Variants in PAX9 observed in about 807,000 individuals in gnomAD.
PAX9 encodes the protein paired box protein Pax-9.
A neutral mutation model predicts 29.1 loss-of-function variants in PAX9; 6 were observed. The observed-to-expected ratio is 0.21, with a 90% confidence interval of 0.11 to 0.41. The LOEUF is 0.41. PAX9 is among the 10% of genes least tolerant of loss of function. The pLI, the probability that PAX9 is intolerant of heterozygous loss-of-function variation, is 1.00. For missense variants in PAX9, 443 were observed against 479.1 expected, an observed-to-expected ratio of 0.92 and a Z score of 0.70; for synonymous variants, 217 against 211.7, an observed-to-expected ratio of 1.03 and a Z score of -0.22.
upstream of PAX9, among the ~76,000 whole-genome samples, chr14:36,659,538 C>T (rs987785391): frequency 6.6e-6 from 1 of 152,232 alleles, no homozygotes; most frequent in East Asian, 1.9e-4. Context: ...CTAAAATTGA[C>T]TCTTCCTGCG....
chr14:36,658,377 G>GT (rs1339503072), upstream of PAX9, among the ~76,000 whole-genome samples: 5 of 151,644 alleles, frequency 3.3e-5, no homozygotes, highest in Non-Finnish European at 5.9e-5. Context: ...CTCGCTTGGG[G>GT]GGGGGGGGTC....
chr14:36,668,690 A>G (rs1447098874), intron 3 of PAX9, among the ~76,000 whole-genome samples: 1 of 152,128 alleles, frequency 6.6e-6, no homozygotes, highest in Non-Finnish European at 1.5e-5. Flanking sequence ...CCGGCCAGTA[A>G]TTTTTATTTT....
rs1881902329 is a variant in PAX9 at position 36,676,578 on chromosome 14, C to T, written c.*126C>T. 6.6e-6 allele frequency: 7 copies of T among 1,063,334 alleles called. No individual in the cohort carries two copies. The highest frequency in any genetic ancestry group is 1.3e-5 in the South Asian group (1 of 74,814). 65.9% of individuals were successfully genotyped at this position (1,063,334 alleles called of 1,614,324 possible). A position where few individuals can be genotyped will look rare whatever the true frequency, so the allele number is the denominator to read the frequency against. ...CCTTCTGCCTTGAAAGCTGGCTGTA[C>T]GGACTCACATCCTTTGTGCTAATGA... On this transcript the variant is annotated 3_prime_UTR_variant, in exon 4 of 4. Coordinates refer to ENST00000361487, the MANE Select transcript of PAX9 (RefSeq NM_001372076.1).
At chr14:36,666,428 C>A in intron 2 of PAX9, 34 bp from the exon 3 acceptor site, 10 of 1,601,996 alleles carry the variant, frequency 6.2e-6, no homozygotes, top group Non-Finnish European at 8.5e-6. Flanking sequence ...GCGGGCTGGG[C>A]CTCCGGCCTG....
In PAX9 at chr14:36,678,607, A is replaced by G. The variant is rs530930567; in HGVS notation, c.*2155A>G. The G allele has an allele frequency of 6.9e-6, 10 of 1,455,812 alleles. No homozygotes were observed. The East Asian group carries it at 1.7e-4, about 25-fold the overall frequency. 90.2% of individuals were successfully genotyped at this position (1,455,812 alleles called of 1,614,324 possible). ...GTCATCTGAAAAACTGATGTAAGGT[A>G]CAGAACTATTCTTTATCAAATGTTT... On this transcript the variant is annotated 3_prime_UTR_variant, in exon 4 of 4. Coordinates refer to ENST00000361487, the MANE Select transcript of PAX9 (RefSeq NM_001372076.1).
intron 3 of PAX9, chr14:36,670,999 T>C: frequency 2.4e-6 from 1 of 417,144 alleles, no homozygotes; most frequent in Non-Finnish European, 4.7e-6. Flanking sequence ...AATGGAAGAA[T>C]GACAGAAAAA....
intron 3 of PAX9, among the ~76,000 whole-genome samples, chr14:36,668,974 AT>A (rs886417149): frequency 5.2e-4 from 79 of 152,180 alleles, no homozygotes; most frequent in African/African-American, 1.8e-3. Flanking sequence ...GAATAAAAAT[AT>A]TTATATGAAA....
At chr14:36,660,669 A>G (rs2073244), upstream of PAX9, among the ~76,000 whole-genome samples, 50,256 of 152,084 alleles carry the variant, frequency 0.33, 8,633 homozygotes, top group East Asian at 0.45. Flanking sequence ...GTGCACAAGG[A>G]GCCTTCTGGA....
At chr14:36,666,400 G>T in intron 2 of PAX9, 62 bp from the exon 3 acceptor site, 2 of 1,577,732 alleles carry the variant, frequency 1.3e-6, no homozygotes, top group South Asian at 2.3e-5. Flanking sequence ...TTTGGGTCCC[G>T]TCTCAAGAGT....
chr14:36,678,183 G>A lies in PAX9; in HGVS notation c.*1731G>A, dbSNP rs1881995660. ...CATGGCAATGCGGTTCCACCACATC[G>A]GTTTCGTGGCTTCGTTTAAAACTCA... is the stretch of plus-strand genomic sequence containing the variant. On this transcript the variant is annotated 3_prime_UTR_variant, in exon 4 of 4. Transcript: ENST00000361487. 1 of 439,310 alleles carries A rather than the reference G, an allele frequency of 2.3e-6. No individual in the cohort carries two copies. The highest frequency in any genetic ancestry group is 3.5e-5 in the Admixed American group (1 of 28,710). 27.2% of individuals were successfully genotyped at this position (439,310 alleles called of 1,614,324 possible).
intron 1 of PAX9, 105 bp downstream of exon 1, chr14:36,662,198 G>C (rs1330025829): frequency 8.0e-7 from 1 of 1,252,938 alleles, no homozygotes; most frequent in Non-Finnish European, 1.1e-6. Context: ...GCCACTAGGC[G>C]CTCACATTCT....
Position 36,663,537 on chromosome 14 carries a change from G to T in PAX9, c.631+14G>T, listed in dbSNP as rs368417796. On this transcript the variant is annotated intron_variant, in intron 2 of 3. Transcript: ENST00000361487. ...TCACCGACCAAGGTAGGGGCTCAGA[G>T]GCTGGGCGTGTGGATGTGCAGCGTC... The T allele has an allele frequency of 6.2e-7, 1 of 1,612,450 alleles. No homozygotes were observed. The highest frequency in any genetic ancestry group is 1.3e-5 in the African/African-American group (1 of 74,956).
chr14:36,662,224 G>C, intron 1 of PAX9, 131 bp downstream of exon 1: 1 of 1,076,030 alleles, frequency 9.3e-7, no homozygotes. Context: ...GACTTTGCTC[G>C]TGTTCCTACA....
chr14:36,669,255 C>T (rs1399089917), intron 3 of PAX9, among the ~76,000 whole-genome samples: 2 of 152,270 alleles, frequency 1.3e-5, no homozygotes, highest in South Asian at 2.1e-4. Flanking sequence ...TGTTTATAAA[C>T]ATACAAAGGT....
chr14:36,669,019 T>A, intron 3 of PAX9, among the ~76,000 whole-genome samples: 1 of 152,184 alleles, frequency 6.6e-6, no homozygotes, highest in South Asian at 2.1e-4. Flanking sequence ...TGCAATATGC[T>A]AATCTTCTGC....
In PAX9 at chr14:36,676,536, C is replaced by T. The variant is rs888155128; in HGVS notation, c.*84C>T. 2.0e-6 allele frequency: 3 copies of T among 1,472,732 alleles called. No individual in the cohort carries two copies. The highest frequency in any genetic ancestry group is 2.8e-6 in the Non-Finnish European group (3 of 1,075,942). The allele number at this position is 1,472,732 out of a possible 1,614,324, so 91.2% of individuals were successfully genotyped here. A position where few individuals can be genotyped will look rare whatever the true frequency, so the allele number is the denominator to read the frequency against. On this transcript the variant is annotated 3_prime_UTR_variant, in exon 4 of 4. Coordinates refer to ENST00000361487, the MANE Select transcript of PAX9 (RefSeq NM_001372076.1). ...CCAATTCCCAGGTCTCACATCCCACCCCTCCTGCCCTCCAACCCTTCTGCC... is the reference window on the plus strand; with the variant it reads ...CCAATTCCCAGGTCTCACATCCCACTCCTCCTGCCCTCCAACCCTTCTGCC...
At position 36,662,054 on chromosome 14, in the gene PAX9, C is replaced by T. The variant is rs775650832; in HGVS notation, c.-36C>T. Reference sequence around the variant, plus strand: ...TGCGGAAAGTTTCTGTCTGGGAGTGCGGAACTGGGGCCGGGTTGGTGTACT... The same window carrying T: ...TGCGGAAAGTTTCTGTCTGGGAGTGTGGAACTGGGGCCGGGTTGGTGTACT... On this transcript the variant is annotated 5_prime_UTR_variant, in exon 1 of 4. Transcript: ENST00000361487. 5 of 1,554,664 alleles carry T rather than the reference C, an allele frequency of 3.2e-6. No individual in the cohort carries two copies. The South Asian group carries it at 5.9e-5, about 18-fold the overall frequency.
intron 2 of PAX9, among the ~76,000 whole-genome samples, chr14:36,664,917 T>C (rs1331391123): frequency 6.6e-6 from 1 of 152,118 alleles, no homozygotes. Flanking sequence ...AGTTTGCCCT[T>C]GATTTATAGG....
At chr14:36,673,780 A>G (rs796646096) in intron 3 of PAX9, among the ~76,000 whole-genome samples, 1 of 152,218 alleles carries the variant, frequency 6.6e-6, no homozygotes, top group African/African-American at 2.4e-5. Context: ...TGCTAACTAG[A>G]ACATTGTTTC....
Sources: allele counts gnomAD v4.1 joint callset (sites outside exome capture counted in the v4.1 genomes callset), GRCh38; gene constraint gnomAD v4.1.1; transcripts MANE v1.5; gene names NCBI Gene and HGNC (gene_info 2026-07-23, HGNC 2026-07-21).